CFAP77: variants seen among roughly 807,000 people sequenced by gnomAD.
CFAP77 encodes cilia- and flagella-associated protein 77.
CFAP77 carries 25 observed loss-of-function variants against 31.1 expected under a neutral mutation model. The observed-to-expected ratio is 0.80, with a 90% CI of 0.59 to 1.12. The LOEUF (loss-of-function observed/expected upper bound fraction) is 1.12. CFAP77 is among the 50% of genes most tolerant of loss of function. The pLI is 0.00. For synonymous variants in CFAP77, 151 were observed against 159.9 expected (o/e 0.94, Z 0.42); for missense variants, 377 against 397.3 (o/e 0.95, Z 0.44).
rs879741986 is a variant in CFAP77 at position 132,513,922 on chromosome 9, A to C, written c.524+14322A>C. On this transcript the variant is annotated intron_variant, in intron 3 of 5. Transcript: ENST00000393216. Reference sequence around the variant, plus strand: ...GACCACGGGTGACTGTGAGGAGATGACCCTTCCCCTGTACCCCTGACCACA... The same window carrying C: ...GACCACGGGTGACTGTGAGGAGATGCCCCTTCCCCTGTACCCCTGACCACA... Among the ~76,000 whole-genome samples the C allele has an allele frequency of 3.4e-3, 411 of 121,866 alleles. 5 individuals are homozygous for C. Among genetic ancestry groups the C allele is most frequent in the African/African-American group, 4.2e-3 (141 of 33,510 alleles). The allele number at this position is 121,866 out of a possible 152,430, so 79.9% of individuals were successfully genotyped here.
chr9:132,567,900 C>A (rs1413953073), intron 5 of CFAP77, among the ~76,000 whole-genome samples: 1 of 152,118 alleles, frequency 6.6e-6, no homozygotes, highest in Admixed American at 6.5e-5. Context: ...GGATTTAGGG[C>A]CCATCTGAAT....
chr9:132,444,734 TA>T (rs1451808397), intron 1 of CFAP77, among the ~76,000 whole-genome samples: 2 of 151,956 alleles, frequency 1.3e-5, no homozygotes, highest in African/African-American at 2.4e-5. Context: ...TAAAATTTTT[TA>T]AAAAAAATTG....
In CFAP77 at chr9:132,410,255, C is replaced by A. The variant is rs1449324951; in HGVS notation, c.-17C>A. ...GCCCAAACCAGCCCGCGGGCCGGCT[C>A]CCCGGCGACCTCAAGGATGCCAGAG... On this transcript the variant is annotated 5_prime_UTR_variant, in exon 1 of 6. Coordinates refer to ENST00000393216, the MANE Select transcript of CFAP77 (RefSeq NM_001282957.2). 1 of 1,546,762 alleles carries A rather than the reference C, an allele frequency of 6.5e-7. No individual in the cohort carries two copies. The highest frequency in any genetic ancestry group is 2.6e-5 in the East Asian group (1 of 38,778).
intron 1 of CFAP77, among the ~76,000 whole-genome samples, chr9:132,417,494 G>T (rs1850125213): frequency 6.6e-6 from 1 of 152,220 alleles, no homozygotes; most frequent in African/African-American, 2.4e-5. Flanking sequence ...ACCTACTTCA[G>T]CAGAGAGGAA....
chr9:132,493,581 G>A (rs866467916), intron 1 of CFAP77, among the ~76,000 whole-genome samples: 4 of 152,214 alleles, frequency 2.6e-5, no homozygotes, highest in Non-Finnish European at 5.9e-5. Context: ...TGCAGGTATG[G>A]TGTGAAGGGT....
chr9:132,450,505 C>T (rs577633943), intron 1 of CFAP77, among the ~76,000 whole-genome samples: 1 of 152,306 alleles, frequency 6.6e-6, no homozygotes, highest in Non-Finnish European at 1.5e-5. Context: ...ATATCAGCCA[C>T]CAAACTTCTG....
chr9:132,436,925 A>G (rs923356099), intron 1 of CFAP77, among the ~76,000 whole-genome samples: 4 of 152,294 alleles, frequency 2.6e-5, no homozygotes, highest in African/African-American at 9.6e-5. Flanking sequence ...CTGAAAAATG[A>G]AAAGTGGTAA....
chr9:132,486,022 ATATATATATATATATATATGTATG>A, intron 1 of CFAP77, among the ~76,000 whole-genome samples: 1 of 25,850 alleles, frequency 3.9e-5, no homozygotes, highest in African/African-American at 3.2e-4. Flanking sequence ...ATATATATAT[ATATATATATATATATATATGTATG>A]TATATGTATG....
intron 1 of CFAP77, among the ~76,000 whole-genome samples, chr9:132,496,683 T>A (rs1851748346): frequency 6.6e-6 from 1 of 152,214 alleles, no homozygotes; most frequent in Non-Finnish European, 1.5e-5. Flanking sequence ...TTGTAAGTGC[T>A]GGGAAGGCAG....
At chr9:132,514,596 G>A (rs1852111684) in intron 3 of CFAP77, among the ~76,000 whole-genome samples, 1 of 152,086 alleles carries the variant, frequency 6.6e-6, no homozygotes, top group Admixed American at 6.5e-5. Context: ...TGCCTTCCTT[G>A]CCGCCTGCTG....
In CFAP77 at chr9:132,552,298, C is replaced by A. The variant is rs1564250366; in HGVS notation, c.732+9251C>A. 6.6e-6 allele frequency among the ~76,000 whole-genome samples: 1 copy of A among 152,252 alleles called. No homozygotes were observed. The highest frequency in any genetic ancestry group is 1.5e-5 in the Non-Finnish European group (1 of 68,044). ...GCCTGGCTAGGGGACGGTCATGGAG[C>A]AACAAAGCCTCTGGGAGGGACGAGG... On this transcript the variant is annotated intron_variant, in intron 5 of 5. Coordinates refer to ENST00000393216, the MANE Select transcript of CFAP77 (RefSeq NM_001282957.2). This position sits in a 1 kb window ranked among gnomAD's most constrained non-coding sequence, Gnocchi z 5.5.
chr9:132,524,840 G>A (rs1163889576), intron 3 of CFAP77, among the ~76,000 whole-genome samples: 1 of 147,900 alleles, frequency 6.8e-6, no homozygotes, highest in Non-Finnish European at 1.5e-5. Context: ...AGTAGAGACG[G>A]GGTTTCACAG....
chr9:132,438,519 G>GTATATATATATATATATATATA (rs34631762), intron 1 of CFAP77, among the ~76,000 whole-genome samples: 2 of 116,676 alleles, frequency 1.7e-5, no homozygotes, highest in African/African-American at 3.4e-5. Flanking sequence ...AACAGATATG[G>GTATATATATATATATATATATA]TATATATATA....
chr9:132,436,238 G>T (rs959444221), intron 1 of CFAP77, among the ~76,000 whole-genome samples: 2 of 152,136 alleles, frequency 1.3e-5, no homozygotes, highest in African/African-American at 4.8e-5. Context: ...CCAGTTTCTA[G>T]TGGCTCCAGG....
chr9:132,444,401 G>C (rs139684779), intron 1 of CFAP77, among the ~76,000 whole-genome samples: 106 of 152,324 alleles, frequency 7.0e-4, no homozygotes, highest in Non-Finnish European at 1.4e-3. Flanking sequence ...CTTATTATGG[G>C]CTGGATCCAT....
intron 3 of CFAP77, among the ~76,000 whole-genome samples, chr9:132,530,035 T>C (rs1270765545): frequency 6.6e-6 from 1 of 152,006 alleles, no homozygotes; most frequent in Non-Finnish European, 1.5e-5. Context: ...CTCTAATGGC[T>C]ACAGATGTTG....
intron 3 of CFAP77, among the ~76,000 whole-genome samples, chr9:132,514,541 G>A (rs528242498): frequency 4.6e-5 from 7 of 152,128 alleles, no homozygotes; most frequent in Non-Finnish European, 1.0e-4. Context: ...GTGGCCTGGC[G>A]GATCTCCTGT....
intron 1 of CFAP77, among the ~76,000 whole-genome samples, chr9:132,496,056 A>C (rs1851736591): frequency 6.6e-6 from 1 of 152,164 alleles, no homozygotes; most frequent in East Asian, 1.9e-4. Context: ...CATTTATTCA[A>C]CCCCTATTTA....
In CFAP77 at chr9:132,493,119, C is replaced by T. The variant is rs190126352; in HGVS notation, c.196-5576C>T. Among the ~76,000 whole-genome samples the T allele has an allele frequency of 3.9e-3, 589 of 152,242 alleles. 8 individuals carry two copies. The highest frequency in any genetic ancestry group is 0.014 in the African/African-American group (563 of 41,544). On this transcript the variant is annotated intron_variant, in intron 1 of 5. Coordinates refer to ENST00000393216, the MANE Select transcript of CFAP77 (RefSeq NM_001282957.2). ...ACCCCTGGGGTTTCCTACCCATGAC[C>T]CTCTCTGACACTGTGATGTAGTGTA...
Sources: allele counts gnomAD v4.1 joint callset (sites outside exome capture counted in the v4.1 genomes callset), GRCh38; gene constraint gnomAD v4.1.1; non-coding constraint Gnocchi (gnomAD v3.1); transcripts MANE v1.5; gene names NCBI Gene and HGNC (gene_info 2026-07-23, HGNC 2026-07-21).